CACNA2D3: variants seen among roughly 807,000 people sequenced by gnomAD.
CACNA2D3 encodes the protein calcium voltage-gated channel auxiliary subunit alpha2delta 3, also known as voltage-dependent calcium channel subunit alpha-2/delta-3.
In CACNA2D3, 60 loss-of-function variants were observed where a neutral mutation model predicts 160.6. The observed-to-expected ratio is 0.37, with a 90% CI of 0.30 to 0.46. The LOEUF is 0.46. CACNA2D3 is among the 20% of genes least tolerant of loss of function. The pLI is 1.00. For synonymous variants in CACNA2D3, 558 were observed against 492.9 expected (o/e 1.13, Z -1.75); for missense variants, 1,205 against 1,365.0 (o/e 0.88, Z 1.85).
intron 10 of CACNA2D3, among the ~76,000 whole-genome samples, chr3:54,633,063 G>T (rs1699279473): frequency 6.6e-6 from 1 of 152,172 alleles, no homozygotes; most frequent in Admixed American, 6.5e-5. Flanking sequence ...TGAGGAAAGT[G>T]TCTGGGGCAC....
rs1559901434 is a variant in CACNA2D3, at chr3:54,265,675, T to TATATATATA, written c.205-54767_205-54766insATATATATA. 7.5e-4 allele frequency among the ~76,000 whole-genome samples: 108 copies of TATATATATA among 144,056 alleles called. 2 individuals are homozygous for TATATATATA. The highest frequency in any genetic ancestry group is 2.4e-3 in the African/African-American group (95 of 40,094). The allele number at this position is 144,056 out of a possible 152,430, so 94.5% of individuals were successfully genotyped here. The stretch of plus-strand genomic sequence containing the variant: ...ATATATAGTGTATATATATAGTGTG[T>TATATATATA]GTATATATATATAGTGTGGGTATAT... On this transcript the variant is annotated intron_variant, in intron 2 of 37. Transcript: ENST00000474759.
intron 13 of CACNA2D3, among the ~76,000 whole-genome samples, chr3:54,812,171 A>G (rs1415302418): frequency 2.0e-5 from 3 of 152,190 alleles, no homozygotes; most frequent in Non-Finnish European, 4.4e-5. Flanking sequence ...ACTATCTGGA[A>G]AAGCCACATT....
chr3:54,853,224 G>T (rs1699098587), intron 17 of CACNA2D3, among the ~76,000 whole-genome samples: 2 of 151,740 alleles, frequency 1.3e-5, no homozygotes, highest in South Asian at 4.2e-4. Flanking sequence ...TAGTTTTCTT[G>T]AATCACCACT....
intron 34 of CACNA2D3, among the ~76,000 whole-genome samples, chr3:55,010,762 G>A (rs1703194210): frequency 6.6e-6 from 1 of 152,136 alleles, no homozygotes; most frequent in Non-Finnish European, 1.5e-5. Context: ...CAGTCTGTGA[G>A]GATTCCCTCA....
At chr3:54,905,354 T>G (rs1383885600) in intron 27 of CACNA2D3, among the ~76,000 whole-genome samples, 5 of 152,324 alleles carry the variant, frequency 3.3e-5, no homozygotes, top group African/African-American at 1.2e-4. Flanking sequence ...ATGTGGTATT[T>G]AATCTGAATG....
chr3:54,995,486 A>G (rs1244580229), intron 31 of CACNA2D3, among the ~76,000 whole-genome samples: 3 of 152,152 alleles, frequency 2.0e-5, no homozygotes, highest in African/African-American at 7.2e-5. Context: ...TTTCTCCAAG[A>G]TGGCTTTTAA....
chr3:54,603,050 G>A (rs1175791981), intron 9 of CACNA2D3, among the ~76,000 whole-genome samples: 1 of 152,178 alleles, frequency 6.6e-6, no homozygotes, highest in Non-Finnish European at 1.5e-5. Context: ...TCTCTGTTCG[G>A]TGTCACTATC....
At chr3:55,066,571 G>T (rs1335745567) in intron 35 of CACNA2D3, among the ~76,000 whole-genome samples, 12 of 152,092 alleles carry the variant, frequency 7.9e-5, no homozygotes, top group Admixed American at 7.2e-4. Flanking sequence ...GCTCAGGAAA[G>T]CCCCTCTCGG....
At chr3:54,422,654 C>T (rs1699855291) in intron 4 of CACNA2D3, among the ~76,000 whole-genome samples, 1 of 151,720 alleles carries the variant, frequency 6.6e-6, no homozygotes, top group Non-Finnish European at 1.5e-5. Flanking sequence ...AATCAGTTGG[C>T]AAAATAATAA....
chr3:54,491,809 G>C (rs1176615620), intron 4 of CACNA2D3, among the ~76,000 whole-genome samples: 1 of 152,160 alleles, frequency 6.6e-6, no homozygotes, highest in African/African-American at 2.4e-5. Context: ...TATCTGGATA[G>C]TTCTTTGCAG....
intron 21 of CACNA2D3, among the ~76,000 whole-genome samples, chr3:54,885,041 A>T (rs1699889279): frequency 6.6e-6 from 1 of 152,082 alleles, no homozygotes; most frequent in South Asian, 2.1e-4. Flanking sequence ...TTTTCCTGGG[A>T]TGAACAGCCA....
chr3:54,591,561 A>G (rs1702858847), intron 9 of CACNA2D3, among the ~76,000 whole-genome samples: 1 of 142,370 alleles, frequency 7.0e-6, no homozygotes, highest in South Asian at 2.2e-4. Context: ...ACTGTGGTTG[A>G]AAAAAGTTTT....
intron 18 of CACNA2D3, among the ~76,000 whole-genome samples, chr3:54,876,102 A>C (rs554803694): frequency 1.1e-4 from 16 of 152,152 alleles, no homozygotes; most frequent in African/African-American, 3.9e-4. Context: ...GGCCATTTGC[A>C]TTTTTCCAGT....
intron 2 of CACNA2D3, among the ~76,000 whole-genome samples, chr3:54,275,247 C>T (rs1011290574): frequency 1.1e-4 from 16 of 152,220 alleles, no homozygotes. Flanking sequence ...CGGCCCACCT[C>T]TGTGCCTTTG....
Position 54,683,922 on chromosome 3 carries a change from G to A in CACNA2D3, c.1167+41681G>A, listed in dbSNP as rs183551465. On this transcript the variant is annotated intron_variant, in intron 11 of 37. Coordinates refer to ENST00000474759, the MANE Select transcript of CACNA2D3 (RefSeq NM_018398.3). ...CTCCAATCCTTGCCCCTTCTTTCAC[G>A]TGGCCATCTTCCTCTGTGTGTCTGT... is the stretch of plus-strand genomic sequence containing the variant. Among the ~76,000 whole-genome samples the A allele has an allele frequency of 9.4e-5, 14 of 149,126 alleles. No individual in the cohort carries two copies. In the East Asian group the frequency reaches 2.8e-3, roughly 29 times the overall value.
chr3:54,951,294 T>C (rs1346524327), intron 27 of CACNA2D3, among the ~76,000 whole-genome samples: 2 of 152,308 alleles, frequency 1.3e-5, no homozygotes, highest in South Asian at 2.1e-4. Context: ...ACCTCTGTAA[T>C]AGCCAAGCCG....
intron 11 of CACNA2D3, among the ~76,000 whole-genome samples, chr3:54,657,858 G>A (rs184477471): frequency 3.4e-4 from 51 of 152,076 alleles, no homozygotes; most frequent in Middle Eastern, 3.4e-3. Flanking sequence ...GTGAAACCCC[G>A]TCTCTACTAA....
At chr3:54,380,897 C>G (rs1362808187) in intron 3 of CACNA2D3, among the ~76,000 whole-genome samples, 1 of 152,182 alleles carries the variant, frequency 6.6e-6, no homozygotes, top group African/African-American at 2.4e-5. Flanking sequence ...CATGTGATCT[C>G]TAACTCTGGT....
chr3:54,675,751 T>C lies in CACNA2D3; in HGVS notation c.1167+33510T>C, dbSNP rs116986577. Among the ~76,000 whole-genome samples the C allele has an allele frequency of 7.5e-4, 114 of 152,248 alleles. 1 individual carries two copies. In the East Asian group the frequency reaches 0.019, roughly 26 times the overall value. On this transcript the variant is annotated intron_variant, in intron 11 of 37. Coordinates refer to ENST00000474759, the MANE Select transcript of CACNA2D3 (RefSeq NM_018398.3). ...AAAAGTCTCAACAGTCAAAGAAGTT[T>C]CGGAGATACTGCTTCTAGTGCACCC...
Sources: allele counts gnomAD v4.1 joint callset (sites outside exome capture counted in the v4.1 genomes callset), GRCh38; gene constraint gnomAD v4.1.1; transcripts MANE v1.5; gene names NCBI Gene and HGNC (gene_info 2026-07-23, HGNC 2026-07-21).